The following TTC21B variants were observed in gnomAD, a reference collection of about 807,000 sequenced individuals.
TTC21B encodes tetratricopeptide repeat protein 21B.
In TTC21B, 127 loss-of-function variants were observed where a neutral mutation model predicts 175.1. That is an observed-to-expected ratio of 0.73 (90% CI 0.63 to 0.84). TTC21B has a LOEUF of 0.84. Ranked by LOEUF, TTC21B falls within the 40% of genes least tolerant of loss-of-function variation. TTC21B has a pLI of 0.00. For missense variants in TTC21B, 1,561 were observed against 1,558.3 expected, an observed-to-expected ratio of 1.00 and a Z score of -0.03; for synonymous variants, 524 against 524.5, an observed-to-expected ratio of 1.00 and a Z score of 0.01.
chr2:165,921,729 A>T (rs1314163999), intron 12 of TTC21B, among the ~76,000 whole-genome samples: 1 of 152,080 alleles, frequency 6.6e-6, no homozygotes, highest in East Asian at 1.9e-4. Context: ...CAATTTAGCA[A>T]AAACACTACT....
At chr2:165,921,963 C>T (rs1009966455) in intron 12 of TTC21B, among the ~76,000 whole-genome samples, 3 of 151,874 alleles carry the variant, frequency 2.0e-5, no homozygotes, top group Non-Finnish European at 1.5e-5. Context: ...TCTTTTATCC[C>T]TCCCTCACTC....
chr2:165,899,541 T>C (rs1201878955), intron 21 of TTC21B, among the ~76,000 whole-genome samples: 1 of 152,182 alleles, frequency 6.6e-6, no homozygotes, highest in Non-Finnish European at 1.5e-5. Flanking sequence ...AAAAAATAAC[T>C]AGACCCAAAA....
At chr2:165,894,147 C>A (rs531361365) in intron 22 of TTC21B, among the ~76,000 whole-genome samples, 1 of 152,008 alleles carries the variant, frequency 6.6e-6, no homozygotes, top group African/African-American at 2.4e-5. Context: ...GGTTAGGATA[C>A]GACAGACTGG....
chr2:165,894,279 G>C lies in TTC21B; in HGVS notation c.2951-3291C>G, dbSNP rs1361753252. ...AGAGAGAAAAGGGGCAATCTGTCGTGAGAGCAGTAATTAGATCTAGAAGAG... is the reference window on the plus strand; with the variant it reads ...AGAGAGAAAAGGGGCAATCTGTCGTCAGAGCAGTAATTAGATCTAGAAGAG... On this transcript the variant is annotated intron_variant, in intron 22 of 28. Transcript: ENST00000243344. Among the ~76,000 whole-genome samples the C allele has an allele frequency of 2.0e-5, 3 of 152,288 alleles. No homozygotes were observed. In the East Asian group the frequency reaches 5.8e-4, roughly 29 times the overall value.
At chr2:165,881,294 A>G (rs1684826753) in intron 26 of TTC21B, among the ~76,000 whole-genome samples, 1 of 152,312 alleles carries the variant, frequency 6.6e-6, no homozygotes, top group South Asian at 2.1e-4. Flanking sequence ...AAACAGAACC[A>G]CAATTTTATC....
In TTC21B at chr2:165,917,479, C is replaced by G. The variant is rs149842503; in HGVS notation, c.1677G>C (p.Val559=). The G allele has an allele frequency of 1.2e-5, 19 of 1,603,148 alleles. No individual in the cohort carries two copies. Among genetic ancestry groups the G allele is most frequent in the African/African-American group, 5.4e-5 (4 of 74,694 alleles). ...LELCLSYDFK[V]RDYPLYHLIK... ...TCAAATGGTATAAAGGATAGTCTCTCACCTGAAGAATAATATTTAATATTT... is the reference window on the plus strand; with the variant it reads ...TCAAATGGTATAAAGGATAGTCTCTGACCTGAAGAATAATATTTAATATTT... The change falls in exon 14 of 29, where the codon GTG becomes GTC. Residue 559 remains valine, a splice_region_variant and synonymous_variant. Transcript: ENST00000243344.
intron 24 of TTC21B, among the ~76,000 whole-genome samples, chr2:165,889,650 G>A (rs1382516920): frequency 3.3e-5 from 5 of 152,114 alleles, no homozygotes; most frequent in Middle Eastern, 3.4e-3. Flanking sequence ...TAATCCAAGC[G>A]TTAAAATCTG....
chr2:165,890,491 T>C lies in TTC21B; in HGVS notation c.3251A>G (p.Asp1084Gly). 1 of 1,613,456 alleles carries C rather than the reference T, an allele frequency of 6.2e-7. No individual in the cohort carries two copies. The highest frequency in any genetic ancestry group is 8.5e-7 in the Non-Finnish European group (1 of 1,179,586). ...TCAAATAACTCACCCCAGGTCTCCA[T>C]CCAGGTTTTCAAATACTTCACCTCC... is the stretch of plus-strand genomic sequence containing the variant. ...TVGGEVFENL[D>G]GDLGNSTEKQ... The change falls in exon 24 of 29, where the codon GAT becomes GGT. Residue 1084 changes from aspartate (D) to glycine (G), a missense_variant. Asp to Gly is a moderately conservative substitution (Grantham distance 94, BLOSUM62 -1). Coordinates refer to ENST00000243344, the MANE Select transcript of TTC21B (RefSeq NM_024753.5).
rs1353051206 is a variant in TTC21B at position 165,880,768 on chromosome 2, T to A, written c.3716A>T (p.Tyr1239Phe). The A allele has an allele frequency of 6.2e-7, 1 of 1,613,096 alleles. No individual in the cohort carries two copies. Among genetic ancestry groups the A allele is most frequent in the Non-Finnish European group, 8.5e-7 (1 of 1,179,696 alleles). The change falls in exon 27 of 29, where the codon TAC (tyrosine) becomes TTC (phenylalanine). Residue 1239 changes from tyrosine (Y) to phenylalanine (F), a missense_variant. By Grantham distance (22) the Tyr-to-Phe change is conservative. Transcript: ENST00000243344. ...SCCKAYEYMG[Y>F]IMEKEQAYTD... ...ATATGCTTGCTCTTTTTCCATAATG[T>A]ATCCCATATATTCATAAGCTTTGCA...
At chr2:165,913,386 T>C (rs1008601179) in intron 16 of TTC21B, among the ~76,000 whole-genome samples, 188 bp downstream of exon 16, 1 of 152,192 alleles carries the variant, frequency 6.6e-6, no homozygotes, top group Admixed American at 6.5e-5. Flanking sequence ...AAAAATAGAA[T>C]CCATTTTTAA....
At chr2:165,942,834 ATTTT>A (rs1687418976) in intron 5 of TTC21B, among the ~76,000 whole-genome samples, 1 of 152,128 alleles carries the variant, frequency 6.6e-6, no homozygotes, top group African/African-American at 2.4e-5. Flanking sequence ...TAACTTACTT[ATTTT>A]GTTTATTGTC....
intron 8 of TTC21B, among the ~76,000 whole-genome samples, chr2:165,930,995 A>C (rs1686886410): frequency 6.6e-6 from 1 of 152,082 alleles, no homozygotes; most frequent in South Asian, 2.1e-4. Context: ...CTTATATTTT[A>C]TAAGCTTAGT....
intron 13 of TTC21B, among the ~76,000 whole-genome samples, chr2:165,918,226 G>T (rs1436383161): frequency 6.6e-6 from 1 of 152,146 alleles, no homozygotes; most frequent in African/African-American, 2.4e-5. Flanking sequence ...GTAAAGGTGG[G>T]GCACCAGCAC....
At chr2:165,883,228 C>A (rs115620755) in intron 26 of TTC21B, among the ~76,000 whole-genome samples, 1 of 152,038 alleles carries the variant, frequency 6.6e-6, no homozygotes, top group African/African-American at 2.4e-5. Context: ...ATAATGACAT[C>A]TTTTGTAATT....
At chr2:165,917,114 G>A (rs111973273) in intron 14 of TTC21B, 143 bp downstream of exon 14, 1 of 739,470 alleles carries the variant, frequency 1.4e-6, no homozygotes, top group African/African-American at 1.8e-5. Flanking sequence ...CCTGACCTCA[G>A]ATGATCCATC....
chr2:165,937,125 A>G (rs890190049), intron 6 of TTC21B, among the ~76,000 whole-genome samples: 4 of 152,082 alleles, frequency 2.6e-5, no homozygotes, highest in Non-Finnish European at 5.9e-5. Context: ...TGAACTATCA[A>G]GTCATGAAAA....
rs373155327 is a variant in TTC21B, at chr2:165,874,711, T to A, written c.*44A>T. ...GAACAGGAAGAACTGAAAGTTAGAT[T>A]TCTTTCATTTCCTGTTAAACCAACA... On this transcript the variant is annotated 3_prime_UTR_variant, in exon 29 of 29. Coordinates refer to ENST00000243344, the MANE Select transcript of TTC21B (RefSeq NM_024753.5). The A allele has an allele frequency of 3.2e-6, 5 of 1,545,072 alleles. No individual in the cohort carries two copies. The highest frequency in any genetic ancestry group is 1.4e-5 in the African/African-American group (1 of 73,592).
At chr2:165,887,103 C>T (rs1685022376) in intron 25 of TTC21B, among the ~76,000 whole-genome samples, 1 of 152,136 alleles carries the variant, frequency 6.6e-6, no homozygotes. Flanking sequence ...GTCTCCCAAA[C>T]CCCTGACATC....
chr2:165,877,555 C>T (rs1335655900), intron 27 of TTC21B, among the ~76,000 whole-genome samples: 1 of 152,018 alleles, frequency 6.6e-6, no homozygotes, highest in Admixed American at 6.6e-5. Context: ...ACCAGATAGC[C>T]CAGGTGTGTA....
Sources: gnomAD v4.1 joint callset for allele counts (sites outside exome capture counted in the v4.1 genomes callset) on GRCh38, gnomAD v4.1.1 for gene constraint, MANE v1.5 for transcripts, NCBI Gene and HGNC (gene_info 2026-07-23, HGNC 2026-07-21) for gene names.